The following GNG5 variants were observed in gnomAD, a reference collection of about 807,000 sequenced individuals.
The protein encoded by GNG5 is guanine nucleotide-binding protein G(I)/G(S)/G(O) subunit gamma-5.
In GNG5, 2 loss-of-function variants were observed where a neutral mutation model predicts 6.2. That is an observed-to-expected ratio of 0.32 (90% CI 0.13 to 1.01). The LOEUF is 1.01. Among genes scored for constraint, GNG5 ranks in the 50% least tolerant of loss-of-function variants. The pLI, the probability that GNG5 is intolerant of heterozygous loss-of-function variation, is 0.48. For missense variants in GNG5, 57 were observed against 80.2 expected (o/e 0.71, Z 1.10); for synonymous variants, 24 against 33.0 (o/e 0.73, Z 0.93).
rs1436797291 is a variant in GNG5, at chr1:84,506,080, G to A, written c.12C>T (p.Ser4=). 1.3e-6 allele frequency: 2 copies of A among 1,577,616 alleles called. No homozygotes were observed. The highest frequency in any genetic ancestry group is 2.5e-5 in the East Asian group (1 of 39,848). The change falls in exon 2 of 4, where the codon TCC becomes TCT. Residue 4 remains serine, a synonymous_variant. Coordinates refer to ENST00000370645, the MANE Select transcript of GNG5 (RefSeq NM_005274.3). ...CTTTCTTCATAGCGGCGACGCTGGA[G>A]GAGCCAGACATGGTGCACGCGACGG... MSG[S]SSVAAMKKVV... is the part of the protein sequence containing the mutation.
chr1:84,502,248 C>T lies in GNG5; in HGVS notation c.82-278G>A, dbSNP rs558966547. Among the ~76,000 whole-genome samples, 22 of 151,334 alleles carry T rather than the reference C, an allele frequency of 1.5e-4. No homozygotes were observed. In the South Asian group the frequency reaches 4.4e-3, roughly 30 times the overall value. On this transcript the variant is annotated intron_variant, in intron 2 of 3. Transcript: ENST00000370645. ...GCCTCGGTTCAAGCGATTCTCCTGC[C>T]TCAGCCTCCTGAGTAGCTGGGACTA...
intron 3 of GNG5, 97 bp downstream of exon 3, chr1:84,501,729 G>A (rs1247292128): frequency 1.4e-6 from 1 of 712,946 alleles, no homozygotes; most frequent in Non-Finnish European, 2.4e-6. Context: ...GAGGGCCAAA[G>A]GAAAGGGCAT....
chr1:84,505,951 C>G (rs941156961), intron 2 of GNG5, 60 bp downstream of exon 2: 16 of 1,236,146 alleles, frequency 1.3e-5, no homozygotes, highest in Non-Finnish European at 1.7e-5. Context: ...CCAGCTGGGC[C>G]GCCGGATCCC....
intron 3 of GNG5, 105 bp from the exon 4 acceptor site, chr1:84,498,653 C>T (rs1681990547): frequency 6.6e-6 from 1 of 152,250 alleles, no homozygotes; most frequent in East Asian, 1.9e-4. Flanking sequence ...ATGGGAAATG[C>T]CTATGGTCCA....
At chr1:84,501,524 G>A (rs777544545) in intron 3 of GNG5, among the ~76,000 whole-genome samples, 1 of 152,166 alleles carries the variant, frequency 6.6e-6, no homozygotes, top group Non-Finnish European at 1.5e-5. Flanking sequence ...TTAGGCCAAT[G>A]CTCTAAAAAG....
At chr1:84,504,542 C>T (rs1456975672) in intron 2 of GNG5, among the ~76,000 whole-genome samples, 1 of 152,186 alleles carries the variant, frequency 6.6e-6, no homozygotes, top group Admixed American at 6.5e-5. Flanking sequence ...TTCACTATCC[C>T]ACCCCCATTT....
rs941092558 is a variant in GNG5 at position 84,505,767 on chromosome 1, G to C, written c.81+244C>G. ...AATGTCGGCCACGGTTCAACCCAGG[G>C]GCCAGCCCGCCTCGGAAAGTCCTGG... On this transcript the variant is annotated intron_variant, in intron 2 of 3. Transcript: ENST00000370645. 3.3e-5 allele frequency among the ~76,000 whole-genome samples: 5 copies of C among 152,314 alleles called. No homozygotes were observed. The East Asian group carries it at 9.7e-4, about 29-fold the overall frequency.
chr1:84,506,381 G>A (rs1182205392), intron 1 of GNG5, 55 bp downstream of exon 1: 4 of 288,040 alleles, frequency 1.4e-5, no homozygotes, highest in East Asian at 1.4e-4. Flanking sequence ...CGACTCTTAA[G>A]TTTTCTTTTC....
intron 3 of GNG5, among the ~76,000 whole-genome samples, chr1:84,498,807 T>C (rs921822799): frequency 1.3e-5 from 2 of 152,192 alleles, no homozygotes; most frequent in Admixed American, 1.3e-4. Flanking sequence ...AATAAAACTC[T>C]CTTAAATCAA....
chr1:84,503,226 C>T (rs1355954247), intron 2 of GNG5, among the ~76,000 whole-genome samples: 1 of 152,198 alleles, frequency 6.6e-6, no homozygotes, highest in East Asian at 1.9e-4. Context: ...GGGAGAAATA[C>T]TCATTTATTT....
chr1:84,500,289 C>T (rs1415937709), intron 3 of GNG5, among the ~76,000 whole-genome samples: 1 of 152,184 alleles, frequency 6.6e-6, no homozygotes, highest in African/African-American at 2.4e-5. Flanking sequence ...TATTATTCTC[C>T]TAGCCCAAAC....
chr1:84,502,968 G>A (rs1682087227), intron 2 of GNG5, among the ~76,000 whole-genome samples: 1 of 152,190 alleles, frequency 6.6e-6, no homozygotes, highest in Admixed American at 6.5e-5. Flanking sequence ...TCCTGTTTGG[G>A]TGGCTCTGTA....
At chr1:84,501,625 T>C (rs1418978459) in intron 3 of GNG5, among the ~76,000 whole-genome samples, 1 of 152,206 alleles carries the variant, frequency 6.6e-6, no homozygotes, top group Non-Finnish European at 1.5e-5. Context: ...ACCTTCTTTA[T>C]GGTAAAATAG....
chr1:84,504,966 C>T (rs1304338620), intron 2 of GNG5, among the ~76,000 whole-genome samples: 1 of 152,168 alleles, frequency 6.6e-6, no homozygotes, highest in Non-Finnish European at 1.5e-5. Context: ...GTTAAGAAAG[C>T]TTAGAGACCC....
intron 1 of GNG5, 64 bp downstream of exon 1, chr1:84,506,372 G>A (rs552852789): frequency 1.6e-5 from 5 of 317,352 alleles, no homozygotes. Context: ...AGCGCGACCC[G>A]ACTCTTAAGT....
chr1:84,501,586 C>G (rs1444153989), intron 3 of GNG5, among the ~76,000 whole-genome samples: 1 of 152,204 alleles, frequency 6.6e-6, no homozygotes, highest in Non-Finnish European at 1.5e-5. Flanking sequence ...CTCCTATACC[C>G]TCTTTATGGT....
intron 3 of GNG5, among the ~76,000 whole-genome samples, chr1:84,501,448 A>AT (rs1265142707): frequency 1.3e-5 from 2 of 152,068 alleles, no homozygotes; most frequent in South Asian, 4.1e-4. Flanking sequence ...AACATTGCAG[A>AT]TTTTTTAAAA....
intron 3 of GNG5, 30 bp downstream of exon 3, chr1:84,501,796 G>A: frequency 7.1e-7 from 1 of 1,411,314 alleles, no homozygotes; most frequent in Non-Finnish European, 1.0e-6. Context: ...CTACAGTGTG[G>A]GTTTTTGTTT....
At chr1:84,500,007 A>AC (rs1478023377) in intron 3 of GNG5, among the ~76,000 whole-genome samples, 1 of 152,152 alleles carries the variant, frequency 6.6e-6, no homozygotes, top group Non-Finnish European at 1.5e-5. Context: ...AGGCAGGAGC[A>AC]CTTGAACCTT....
Sources: gnomAD v4.1 joint callset for allele counts (sites outside exome capture counted in the v4.1 genomes callset) on GRCh38, gnomAD v4.1.1 for gene constraint, MANE v1.5 for transcripts, NCBI Gene and HGNC (gene_info 2026-07-23, HGNC 2026-07-21) for gene names.